Variants in EEF1E1 observed in about 807,000 individuals in gnomAD.
EEF1E1 encodes the protein eukaryotic translation elongation factor 1 epsilon-1.
Under a neutral mutation model 19.9 loss-of-function variants are expected in EEF1E1, and 19 were observed. That is an observed-to-expected ratio of 0.95 (90% CI 0.66 to 1.40). The LOEUF (loss-of-function observed/expected upper bound fraction) is 1.40. Ranked by LOEUF, EEF1E1 falls within the 40% of genes most tolerant of loss-of-function variation. The pLI, the probability that EEF1E1 is intolerant of heterozygous loss-of-function variation, is 0.00. For synonymous variants in EEF1E1, 81 were observed against 80.0 expected (o/e 1.01, Z -0.07); for missense variants, 198 against 202.2 (o/e 0.98, Z 0.13).
At chr6:8,075,469 A>C (rs1394780099), downstream of EEF1E1, among the ~76,000 whole-genome samples, 1 of 152,236 alleles carries the variant, frequency 6.6e-6, no homozygotes, top group Non-Finnish European at 1.5e-5. Flanking sequence ...TCCCCTGTCC[A>C]TAGAAAAGTT....
At chr6:8,101,261 T>A (rs377716533) in intron 1 of EEF1E1, among the ~76,000 whole-genome samples, 12,316 of 78,190 alleles carry the variant, frequency 0.16, 2,259 homozygotes, top group Non-Finnish European at 0.2. Context: ...TATATATATA[T>A]ATATATATAT....
chr6:8,081,216 A>G (rs993408719), intron 3 of EEF1E1, among the ~76,000 whole-genome samples: 10 of 152,208 alleles, frequency 6.6e-5, no homozygotes, highest in African/African-American at 2.4e-4. Flanking sequence ...GGTTTTAGTG[A>G]TACATACTTA....
Position 8,101,883 on chromosome 6 carries a change from G to A in EEF1E1, c.87+552C>T, listed in dbSNP as rs758009636. 1.3e-5 allele frequency: 16 copies of A among 1,261,368 alleles called. No homozygotes were observed. The South Asian group carries it at 1.7e-4, about 14-fold the overall frequency. 78.1% of individuals were successfully genotyped at this position (1,261,368 alleles called of 1,614,324 possible). ...CCAAGACTCCTTAGGTGTTCTCTCT[G>A]CCATTTATGGTGCAACGTGGCACTC... is the stretch of plus-strand genomic sequence containing the variant. On this transcript the variant is annotated intron_variant, in intron 1 of 3. Transcript: ENST00000379715.
chr6:8,077,291 G>T (rs1757623938), downstream of EEF1E1, among the ~76,000 whole-genome samples: 1 of 152,156 alleles, frequency 6.6e-6, no homozygotes, highest in African/African-American at 2.4e-5. Flanking sequence ...AATGGTACAT[G>T]AGCACTGGCT....
At chr6:8,097,509 AC>A (rs749447872) in intron 1 of EEF1E1, 42 bp from the exon 2 acceptor site, 2 of 1,530,644 alleles carry the variant, frequency 1.3e-6, no homozygotes, top group South Asian at 1.2e-5. Flanking sequence ...AAAAACAAGG[AC>A]CACATCATGA....
intron 3 of EEF1E1, among the ~76,000 whole-genome samples, chr6:8,086,034 A>C (rs4441993): frequency 6.6e-6 from 1 of 152,070 alleles, no homozygotes; most frequent in African/African-American, 2.4e-5. Context: ...TTTAAAACTC[A>C]TAATAGTTTT....
At chr6:8,084,574 T>C (rs1757799284) in intron 3 of EEF1E1, among the ~76,000 whole-genome samples, 3 of 152,238 alleles carry the variant, frequency 2.0e-5, no homozygotes, top group South Asian at 2.1e-4. Context: ...GACAGCCCGA[T>C]GCTACAGCAA....
exon 4 of EEF1E1, chr6:8,073,384 C>G (rs1476321626): frequency 1.3e-6 from 2 of 1,495,614 alleles, no homozygotes; most frequent in East Asian, 5.0e-5. Flanking sequence ...TTTTATGGCA[C>G]TCCATGTAGA....
chr6:8,101,157 C>T (rs1561646963), intron 1 of EEF1E1, among the ~76,000 whole-genome samples: 1 of 138,342 alleles, frequency 7.2e-6, no homozygotes, highest in Non-Finnish European at 1.5e-5. Flanking sequence ...ACCCGGGAGG[C>T]AGAGGTTGCA....
chr6:8,096,678 AAATT>A (rs1275259646), intron 2 of EEF1E1, among the ~76,000 whole-genome samples: 2 of 152,194 alleles, frequency 1.3e-5, no homozygotes, highest in Admixed American at 6.5e-5. Context: ...TTATATAAAT[AAATT>A]AACAAAAATA....
At chr6:8,095,337 C>T (rs913280623) in intron 2 of EEF1E1, 8 of 417,460 alleles carry the variant, frequency 1.9e-5, no homozygotes, top group Non-Finnish European at 2.9e-5. Flanking sequence ...CCTATCTCTA[C>T]TAAAAACACA....
intron 3 of EEF1E1, among the ~76,000 whole-genome samples, chr6:8,082,768 C>G (rs1369031708): frequency 6.6e-6 from 1 of 152,156 alleles, no homozygotes; most frequent in African/African-American, 2.4e-5. Flanking sequence ...GGAACTTGTC[C>G]CTTTGAGTCT....
chr6:8,076,393 G>C (rs568738437), downstream of EEF1E1, among the ~76,000 whole-genome samples: 15 of 151,944 alleles, frequency 9.9e-5, no homozygotes, highest in African/African-American at 2.7e-4. Context: ...GCTTGATCTC[G>C]GCTCACTGCA....
intron 2 of EEF1E1, among the ~76,000 whole-genome samples, chr6:8,096,427 G>A (rs895985639): frequency 1.3e-5 from 2 of 152,268 alleles, no homozygotes; most frequent in Non-Finnish European, 2.9e-5. Flanking sequence ...AAAGGGCCAA[G>A]TTCTGAAACT....
rs1758206583 is a variant in EEF1E1 at position 8,097,485 on chromosome 6, GTT to G, written c.88-20_88-19del. 1.3e-6 allele frequency: 2 copies of G among 1,597,832 alleles called. No individual in the cohort carries two copies. The highest frequency in any genetic ancestry group is 8.5e-7 in the Non-Finnish European group (1 of 1,171,094). Reference sequence around the variant, plus strand: ...ACTGGAATCTTAAAAAGAAAAAAAAGTTCACAGAATTTAAAAAACAAGGACCA... The same window carrying G: ...ACTGGAATCTTAAAAAGAAAAAAAAGCACAGAATTTAAAAAACAAGGACCA... On this transcript the variant is annotated intron_variant, in intron 1 of 3. Coordinates refer to ENST00000379715, the MANE Select transcript of EEF1E1 (RefSeq NM_004280.5).
intron 3 of EEF1E1, among the ~76,000 whole-genome samples, chr6:8,082,036 T>A (rs552759304): frequency 1.3e-5 from 2 of 152,344 alleles, no homozygotes; most frequent in East Asian, 3.9e-4. Context: ...ATGTTATGTG[T>A]GATATTTGTA....
chr6:8,076,245 T>G (rs570960628), downstream of EEF1E1, among the ~76,000 whole-genome samples: 8 of 152,126 alleles, frequency 5.3e-5, no homozygotes, highest in African/African-American at 1.7e-4. Flanking sequence ...GGTTTTCAAT[T>G]TACTTTGCCT....
chr6:8,088,089 T>TG (rs1438971229), intron 3 of EEF1E1, among the ~76,000 whole-genome samples: 1 of 113,964 alleles, frequency 8.8e-6, no homozygotes, highest in Non-Finnish European at 1.9e-5. Flanking sequence ...ATCTGTAAAA[T>TG]GGGGCTATTA....
chr6:8,093,945 G>A (rs530266798), intron 2 of EEF1E1, among the ~76,000 whole-genome samples: 4 of 151,914 alleles, frequency 2.6e-5, no homozygotes, highest in East Asian at 3.9e-4. Context: ...CTACAGGTGC[G>A]TGCCATCACG....
Sources: allele counts gnomAD v4.1 joint callset (sites outside exome capture counted in the v4.1 genomes callset), GRCh38; gene constraint gnomAD v4.1.1; transcripts MANE v1.5; gene names NCBI Gene and HGNC (gene_info 2026-07-23, HGNC 2026-07-21).